Variants in AGTPBP1 observed in about 807,000 individuals in gnomAD.
The protein encoded by AGTPBP1 is cytosolic carboxypeptidase 1.
In AGTPBP1, 70 loss-of-function variants were observed where a neutral mutation model predicts 143.9. The observed-to-expected ratio is 0.49, with a 90% CI of 0.40 to 0.59. The LOEUF is 0.59. AGTPBP1 is among the 20% of genes least tolerant of loss of function. AGTPBP1 has a pLI of 0.00. For missense variants in AGTPBP1, 1,229 were observed against 1,464.5 expected, an observed-to-expected ratio of 0.84 and a Z score of 2.62; for synonymous variants, 463 against 500.2, an observed-to-expected ratio of 0.93 and a Z score of 0.99.
chr9:85,547,047 T>C lies in AGTPBP1; in HGVS notation c.*62A>G, dbSNP rs766864819. The C allele has an allele frequency of 1.4e-6, 2 of 1,471,368 alleles. No homozygotes were observed. Among genetic ancestry groups the C allele is most frequent in the Non-Finnish European group, 1.8e-6 (2 of 1,108,080 alleles). The allele number at this position is 1,471,368 out of a possible 1,614,324, so 91.1% of individuals were successfully genotyped here. A position where few individuals can be genotyped will look rare whatever the true frequency, so the allele number is the denominator to read the frequency against. On this transcript the variant is annotated 3_prime_UTR_variant, in exon 26 of 26. Coordinates refer to ENST00000357081, the MANE Select transcript of AGTPBP1 (RefSeq NM_001330701.2). ...ATAAACTCATTTCTCTCAAGCTTCC[T>C]GGGAAATAAAAACCAAGATATTTCA... is the stretch of plus-strand genomic sequence containing the variant.
chr9:85,602,789 T>A (rs764522655), intron 17 of AGTPBP1, among the ~76,000 whole-genome samples: 10 of 152,168 alleles, frequency 6.6e-5, no homozygotes, highest in African/African-American at 9.7e-5. Context: ...CTGGAATTGC[T>A]CACACCACTC....
At chr9:85,616,248 A>C (rs1439348088) in intron 17 of AGTPBP1, among the ~76,000 whole-genome samples, 1 of 151,984 alleles carries the variant, frequency 6.6e-6, no homozygotes. Flanking sequence ...ATATACATAC[A>C]AGAATATCCA....
Position 85,578,917 on chromosome 9 carries a change from T to C in AGTPBP1, c.3342+3A>G. 6.2e-7 allele frequency: 1 copy of C among 1,611,908 alleles called. No homozygotes were observed. Among genetic ancestry groups the C allele is most frequent in the Non-Finnish European group, 8.5e-7 (1 of 1,179,256 alleles). ...CATGGTTAGAAAACCTAAGATGTTT[T>C]ACCTTGTATTTTCCCTGATCACAGC... On this transcript the variant is annotated splice_donor_region_variant and intron_variant, in intron 24 of 25. Coordinates refer to ENST00000357081, the MANE Select transcript of AGTPBP1 (RefSeq NM_001330701.2).
At chr9:85,771,906 G>C in the AGTPBP1 span, among the ~76,000 whole-genome samples, 1 of 151,718 alleles carries the variant, frequency 6.6e-6, no homozygotes, top group Non-Finnish European at 1.5e-5. Flanking sequence ...TGATCCGCCC[G>C]CCTCGGCCTC....
At chr9:85,663,240 T>C (rs1833944320) in intron 8 of AGTPBP1, among the ~76,000 whole-genome samples, 2 of 152,062 alleles carry the variant, frequency 1.3e-5, no homozygotes, top group Admixed American at 1.3e-4. Context: ...AAGTAACTAC[T>C]AAGGCTGGGA....
At position 85,633,200 on chromosome 9, in the gene AGTPBP1, T is replaced by C. The variant is rs1377626577; in HGVS notation, c.1477A>G (p.Thr493Ala). ...SKGDEGEKKS[T>A]FMDLAKEDIK... ...TCTTCTTTTGCTAGATCCATAAAGGTAGACTTCTTTTCACCTTCATCTCCT... is the reference window on the plus strand; with the variant it reads ...TCTTCTTTTGCTAGATCCATAAAGGCAGACTTCTTTTCACCTTCATCTCCT... Residue 493 changes from threonine to alanine, a missense_variant, in exon 14 of 26, where the codon ACC becomes GCC. Thr to Ala is a moderately conservative substitution (Grantham distance 58). Around this residue, in one of 2 missense-constraint regions of AGTPBP1, gnomAD observed 743 missense variants for 812.2 expected, o/e 0.91. Coordinates refer to ENST00000357081, the MANE Select transcript of AGTPBP1 (RefSeq NM_001330701.2). 6.2e-7 allele frequency: 1 copy of C among 1,613,554 alleles called. No individual in the cohort carries two copies. Among genetic ancestry groups the C allele is most frequent in the Admixed American group, 1.7e-5 (1 of 59,864 alleles).
At chr9:85,678,242 T>C (rs1834956746) in intron 5 of AGTPBP1, 93 bp downstream of exon 5, 8 of 782,578 alleles carry the variant, frequency 1.0e-5, no homozygotes, top group Non-Finnish European at 1.4e-5. Context: ...ATAGCCTCTA[T>C]AAGAGTATCG....
chr9:85,698,200 T>C (rs1270160411), intron 2 of AGTPBP1, among the ~76,000 whole-genome samples: 1 of 152,174 alleles, frequency 6.6e-6, no homozygotes. Context: ...AAGAGCTTGC[T>C]TTGCCAGTAA....
At chr9:85,666,896 T>G (rs1408964702) in intron 8 of AGTPBP1, among the ~76,000 whole-genome samples, 1 of 152,146 alleles carries the variant, frequency 6.6e-6, no homozygotes, top group Non-Finnish European at 1.5e-5. Flanking sequence ...ACTACTACAT[T>G]GCTTATCTAA....
At chr9:85,606,593 AC>A (rs1830003616) in intron 17 of AGTPBP1, among the ~76,000 whole-genome samples, 1 of 152,110 alleles carries the variant, frequency 6.6e-6, no homozygotes, top group Admixed American at 6.5e-5. Flanking sequence ...CTGAAAGGAT[AC>A]CTACACCCAC....
intron 17 of AGTPBP1, among the ~76,000 whole-genome samples, chr9:85,603,033 C>T (rs548716773): frequency 6.6e-6 from 1 of 152,206 alleles, no homozygotes; most frequent in Non-Finnish European, 1.5e-5. Context: ...GCCCCACCAC[C>T]GAAGGCTAAG....
At chr9:85,601,401 C>G (rs1486752426) in intron 17 of AGTPBP1, among the ~76,000 whole-genome samples, 1 of 152,212 alleles carries the variant, frequency 6.6e-6, no homozygotes, top group Non-Finnish European at 1.5e-5. Flanking sequence ...AATACCAGAG[C>G]ATACCTGGGA....
At chr9:85,611,593 A>G (rs62566924) in intron 17 of AGTPBP1, among the ~76,000 whole-genome samples, 2,521 of 152,340 alleles carry the variant, frequency 0.017, 29 homozygotes, top group Middle Eastern at 0.054. Flanking sequence ...TTGAAAGACT[A>G]TTAAGTATTT....
chr9:85,721,574 G>A (rs1204686342), intron 1 of AGTPBP1, among the ~76,000 whole-genome samples: 4 of 149,500 alleles, frequency 2.7e-5, no homozygotes, highest in African/African-American at 9.8e-5. Context: ...CTTTGCATGT[G>A]AGATGGGTCT....
the AGTPBP1 span, among the ~76,000 whole-genome samples, chr9:85,798,182 G>A: frequency 6.6e-6 from 1 of 151,558 alleles, no homozygotes; most frequent in African/African-American, 2.4e-5. Flanking sequence ...GATTACAGGT[G>A]TGAGCCACTG....
At chr9:85,782,291 G>C in the AGTPBP1 span, among the ~76,000 whole-genome samples, 1 of 152,198 alleles carries the variant, frequency 6.6e-6, no homozygotes, top group South Asian at 2.1e-4. Context: ...AAGGCGGGTG[G>C]ATCACCGGAG....
intron 17 of AGTPBP1, among the ~76,000 whole-genome samples, chr9:85,597,627 A>G (rs894134671): frequency 1.3e-5 from 2 of 152,156 alleles, no homozygotes; most frequent in Non-Finnish European, 2.9e-5. Flanking sequence ...TTAAATCCTT[A>G]CAACCACACT....
chr9:85,647,798 T>C (rs145227545), intron 11 of AGTPBP1, among the ~76,000 whole-genome samples: 91 of 152,252 alleles, frequency 6.0e-4, no homozygotes, highest in Middle Eastern at 3.4e-3. Context: ...TGAAATGATA[T>C]CTTTAGAAAA....
intron 25 of AGTPBP1, among the ~76,000 whole-genome samples, chr9:85,574,463 CAAAA>C (rs4011699): frequency 4.3e-5 from 5 of 116,126 alleles, no homozygotes; most frequent in Non-Finnish European, 3.8e-5. Context: ...CAAGAATGAT[CAAAA>C]AAAAAAAAAA....
Sources: allele counts gnomAD v4.1 joint callset (sites outside exome capture counted in the v4.1 genomes callset), GRCh38; gene constraint gnomAD v4.1.1; regional missense constraint gnomAD v4.1.1; transcripts MANE v1.5; gene names NCBI Gene and HGNC (gene_info 2026-07-23, HGNC 2026-07-21).